ROBO1: variants seen among roughly 807,000 people sequenced by gnomAD.
The protein encoded by ROBO1 is roundabout guidance receptor 1.
Under a neutral mutation model 195.9 loss-of-function variants are expected in ROBO1, and 149 were observed. The ratio of observed to expected loss-of-function variants is 0.76; its 90% confidence interval spans 0.67 to 0.87. The LOEUF is 0.87. Ranked by LOEUF, ROBO1 falls within the 40% of genes least tolerant of loss-of-function variation. The probability of loss-of-function intolerance (pLI) is 0.00; values close to 1 mark genes in which losing one functional copy is unlikely to be tolerated. For missense variants in ROBO1, 1,933 were observed against 2,068.3 expected (o/e 0.93, Z 1.27); for synonymous variants, 816 against 733.2 (o/e 1.11, Z -1.82).
At chr3:79,215,111 C>T (rs765281271) in intron 2 of ROBO1, among the ~76,000 whole-genome samples, 1 of 152,052 alleles carries the variant, frequency 6.6e-6, no homozygotes, top group Admixed American at 6.6e-5. Flanking sequence ...GTAGGTGGGT[C>T]ATTGAGTGCT....
At chr3:78,994,273 G>A (rs1323744624) in intron 3 of ROBO1, among the ~76,000 whole-genome samples, 1 of 152,118 alleles carries the variant, frequency 6.6e-6, no homozygotes, top group African/African-American at 2.4e-5. Context: ...CAGCGAAAAG[G>A]AAAGGGCTGT....
At chr3:78,947,488 A>T (rs2040512369) in intron 3 of ROBO1, among the ~76,000 whole-genome samples, 1 of 152,218 alleles carries the variant, frequency 6.6e-6, no homozygotes, top group Admixed American at 6.5e-5. Context: ...GAACAAAGTC[A>T]CAACATACCA....
At chr3:79,174,844 A>G (rs1285040842) in intron 2 of ROBO1, among the ~76,000 whole-genome samples, 2 of 149,714 alleles carry the variant, frequency 1.3e-5, no homozygotes, top group Non-Finnish European at 3.0e-5. Context: ...GGAGGGAGCA[A>G]GACTCCGCCT....
intron 2 of ROBO1, among the ~76,000 whole-genome samples, chr3:79,291,879 T>A (rs2109029666): frequency 6.6e-6 from 1 of 152,304 alleles, no homozygotes; most frequent in East Asian, 1.9e-4. Flanking sequence ...GCCAAATATT[T>A]AAGAGGAGGA....
intron 4 of ROBO1, among the ~76,000 whole-genome samples, chr3:78,776,350 C>T (rs560669824): frequency 1.4e-4 from 22 of 152,284 alleles, no homozygotes; most frequent in African/African-American, 4.6e-4. Flanking sequence ...CTCCCGGGTT[C>T]AAGTGATTCT....
chr3:78,657,310 C>G, intron 17 of ROBO1, 41 bp from the exon 18 acceptor site: 4 of 1,599,922 alleles, frequency 2.5e-6, no homozygotes, highest in Non-Finnish European at 3.4e-6. Context: ...GGTAAATTAC[C>G]TAAATGAATG....
intron 1 of ROBO1, among the ~76,000 whole-genome samples, chr3:79,640,920 A>T (rs559585970): frequency 6.6e-6 from 1 of 152,240 alleles, no homozygotes; most frequent in African/African-American, 2.4e-5. Context: ...ATTTCCAGAG[A>T]ATGTAAAATT....
In ROBO1 at chr3:79,352,963, A is replaced by G. The variant is rs559473717; in HGVS notation, c.89-227424T>C. 2.0e-5 allele frequency among the ~76,000 whole-genome samples: 3 copies of G among 152,174 alleles called. No individual in the cohort carries two copies. The South Asian group carries it at 6.2e-4, about 32-fold the overall frequency. On this transcript the variant is annotated intron_variant, in intron 2 of 30. Transcript: ENST00000464233. ...AAGTGGAACTACTTTTAAATTTGTG[A>G]CTCTATTATTATTGTACTGATTACA... is the stretch of plus-strand genomic sequence containing the variant.
intron 1 of ROBO1, among the ~76,000 whole-genome samples, chr3:79,601,280 G>A (rs1288673866): frequency 6.6e-6 from 1 of 151,840 alleles, no homozygotes; most frequent in Non-Finnish European, 1.5e-5. Context: ...CATTCGGATG[G>A]GATTTCAGAT....
intron 2 of ROBO1, among the ~76,000 whole-genome samples, chr3:79,378,602 T>A (rs1269384981): frequency 6.6e-6 from 1 of 152,208 alleles, no homozygotes; most frequent in East Asian, 1.9e-4. Context: ...TCTTCCAATC[T>A]TTTTCCCTGT....
intron 3 of ROBO1, among the ~76,000 whole-genome samples, chr3:78,987,188 C>T (rs1051326750): frequency 4.8e-5 from 7 of 145,878 alleles, no homozygotes; most frequent in Middle Eastern, 3.7e-3. Flanking sequence ...AAGAGTAACA[C>T]GTTTTAAAAA....
At chr3:79,545,433 C>T (rs1270827774) in intron 2 of ROBO1, among the ~76,000 whole-genome samples, 1 of 152,132 alleles carries the variant, frequency 6.6e-6, no homozygotes, top group African/African-American at 2.4e-5. Context: ...TTCGACATGA[C>T]CATTCTTGCT....
chr3:78,957,928 T>G (rs749536209), intron 3 of ROBO1, among the ~76,000 whole-genome samples: 7 of 152,208 alleles, frequency 4.6e-5, no homozygotes, highest in Non-Finnish European at 7.3e-5. Flanking sequence ...AAATATACTT[T>G]CTTCCCACTC....
At chr3:79,586,635 T>C (rs1012137106) in intron 2 of ROBO1, among the ~76,000 whole-genome samples, 7 of 151,930 alleles carry the variant, frequency 4.6e-5, no homozygotes, top group Non-Finnish European at 8.8e-5. Context: ...AATATAAACC[T>C]AGAACTCAAT....
At chr3:78,913,159 G>A (rs1290636847) in intron 4 of ROBO1, among the ~76,000 whole-genome samples, 2 of 152,024 alleles carry the variant, frequency 1.3e-5, no homozygotes, top group African/African-American at 2.4e-5. Flanking sequence ...TTCTACGATG[G>A]AATAAATGGA....
At chr3:79,356,904 A>T (rs2035577808) in intron 2 of ROBO1, among the ~76,000 whole-genome samples, 1 of 152,164 alleles carries the variant, frequency 6.6e-6, no homozygotes, top group African/African-American at 2.4e-5. Context: ...CTATGGTTTC[A>T]AGCCATTTAG....
intron 2 of ROBO1, among the ~76,000 whole-genome samples, chr3:79,135,256 C>T (rs1466725357): frequency 2.0e-5 from 3 of 152,060 alleles, no homozygotes; most frequent in African/African-American, 4.8e-5. Context: ...AAAAGTATCA[C>T]CCCAGAGGGT....
At chr3:78,854,156 G>C (rs555823060) in intron 4 of ROBO1, among the ~76,000 whole-genome samples, 2 of 151,734 alleles carry the variant, frequency 1.3e-5, no homozygotes, top group East Asian at 3.9e-4. Flanking sequence ...TCCTTAATCT[G>C]TGGGCATGCC....
intron 3 of ROBO1, among the ~76,000 whole-genome samples, chr3:78,982,680 G>A (rs1364279487): frequency 6.6e-6 from 1 of 152,012 alleles, no homozygotes; most frequent in African/African-American, 2.4e-5. Context: ...CCAGGCTGGA[G>A]TGTAGTGGCG....
Sources: gnomAD v4.1 joint callset for allele counts (sites outside exome capture counted in the v4.1 genomes callset) on GRCh38, gnomAD v4.1.1 for gene constraint, MANE v1.5 for transcripts, NCBI Gene and HGNC (gene_info 2026-07-23, HGNC 2026-07-21) for gene names.